The following CSTL1 variants were observed in gnomAD, a reference collection of about 807,000 sequenced individuals.
CSTL1 encodes the protein cystatin like 1, also known as cystatin-like 1.
Under a neutral mutation model 14.4 loss-of-function variants are expected in CSTL1, and 14 were observed. The ratio of observed to expected loss-of-function variants is 0.97; its 90% CI spans 0.64 to 1.52. The LOEUF (loss-of-function observed/expected upper bound fraction) is 1.52, where lower values mean the gene tolerates loss of function less well. Ranked by LOEUF, CSTL1 falls within the 40% of genes most tolerant of loss-of-function variation. The pLI is 0.00. For synonymous variants in CSTL1, 72 were observed against 67.5 expected, an observed-to-expected ratio of 1.07 and a Z score of -0.33; for missense variants, 170 against 168.7, an observed-to-expected ratio of 1.01 and a Z score of -0.04.
At chr20:23,456,620 C>T in the CSTL1 span, among the ~76,000 whole-genome samples, 1 of 152,310 alleles carries the variant, frequency 6.6e-6, no homozygotes, top group African/African-American at 2.4e-5. Context: ...CAGCTGTGCT[C>T]ATTTCCTGTG....
downstream of CSTL1, chr20:23,444,947 G>A (rs1288589861): frequency 1.9e-6 from 2 of 1,051,320 alleles, no homozygotes; most frequent in Admixed American, 3.5e-5. Context: ...CCTCATTGGG[G>A]TCTTATTACA....
At chr20:23,447,220 G>A (rs1448105333), downstream of CSTL1, among the ~76,000 whole-genome samples, 2 of 152,190 alleles carry the variant, frequency 1.3e-5, no homozygotes, top group African/African-American at 2.4e-5. Context: ...TAGAAATGGA[G>A]TCATACAATA....
At chr20:23,443,834 G>A in intron 2 of CSTL1, 100 bp from the exon 3 acceptor site, 1 of 793,346 alleles carries the variant, frequency 1.3e-6, no homozygotes, top group East Asian at 2.7e-5. Context: ...AACAAGAACT[G>A]TGGCCCTGGG....
At chr20:23,461,070 C>A in the CSTL1 span, among the ~76,000 whole-genome samples, 1 of 152,196 alleles carries the variant, frequency 6.6e-6, no homozygotes, top group Admixed American at 6.5e-5. Flanking sequence ...CCACAGCCAA[C>A]CCAACCTTCA....
downstream of CSTL1, among the ~76,000 whole-genome samples, chr20:23,447,782 A>T (rs528067167): frequency 1.3e-5 from 2 of 152,182 alleles, no homozygotes; most frequent in South Asian, 4.1e-4. Context: ...TTTCTATTGG[A>T]TATATGCCTA....
chr20:23,454,067 C>A, the CSTL1 span, among the ~76,000 whole-genome samples: 1 of 151,392 alleles, frequency 6.6e-6, no homozygotes, highest in African/African-American at 2.4e-5. Context: ...ACACATACCG[C>A]CACACATGCA....
the CSTL1 span, among the ~76,000 whole-genome samples, chr20:23,455,590 T>C: frequency 1.3e-5 from 2 of 152,204 alleles, no homozygotes; most frequent in Non-Finnish European, 2.9e-5. Flanking sequence ...TCCCCTCCCA[T>C]GTGTGCTTTG....
chr20:23,447,221 TC>T (rs1986985804), downstream of CSTL1, among the ~76,000 whole-genome samples: 1 of 152,170 alleles, frequency 6.6e-6, no homozygotes, highest in Non-Finnish European at 1.5e-5. Flanking sequence ...AGAAATGGAG[TC>T]ATACAATATA....
the CSTL1 span, among the ~76,000 whole-genome samples, chr20:23,454,740 T>A: frequency 6.6e-6 from 1 of 152,236 alleles, no homozygotes; most frequent in African/African-American, 2.4e-5. Flanking sequence ...TGCCCTGAGC[T>A]CCCTGAGCGG....
chr20:23,458,036 T>C, the CSTL1 span, among the ~76,000 whole-genome samples: 1 of 152,174 alleles, frequency 6.6e-6, no homozygotes, highest in African/African-American at 2.4e-5. Context: ...CTGGGTAACA[T>C]GGATCTATGG....
At chr20:23,448,607 T>A (rs1233848995), downstream of CSTL1, among the ~76,000 whole-genome samples, 1 of 152,234 alleles carries the variant, frequency 6.6e-6, no homozygotes, top group Non-Finnish European at 1.5e-5. Context: ...TATATACTAA[T>A]TTTTTAAAAA....
chr20:23,459,905 G>C, the CSTL1 span, among the ~76,000 whole-genome samples: 8 of 152,134 alleles, frequency 5.3e-5, no homozygotes, highest in Admixed American at 5.2e-4. Flanking sequence ...GTTCACTCTG[G>C]CCTCTCCCTG....
At chr20:23,457,053 T>G in the CSTL1 span, among the ~76,000 whole-genome samples, 4 of 152,064 alleles carry the variant, frequency 2.6e-5, no homozygotes, top group Non-Finnish European at 5.9e-5. Context: ...ACATCTCGGG[T>G]GGGGTGTTAT....
downstream of CSTL1, among the ~76,000 whole-genome samples, chr20:23,445,132 T>G (rs1986940219): frequency 6.6e-6 from 1 of 151,330 alleles, no homozygotes; most frequent in African/African-American, 2.4e-5. Flanking sequence ...GCCCACCCAC[T>G]CACTCCTACA....
At chr20:23,460,517 G>T in the CSTL1 span, among the ~76,000 whole-genome samples, 10 of 152,036 alleles carry the variant, frequency 6.6e-5, no homozygotes, top group Non-Finnish European at 1.5e-4. Flanking sequence ...GTAATCATGG[G>T]GATGTCAATT....
At chr20:23,444,728 A>T in intron 3 of CSTL1, 43 bp from the exon 4 acceptor site, 2 of 1,413,538 alleles carry the variant, frequency 1.4e-6, no homozygotes, top group Non-Finnish European at 2.0e-6. Flanking sequence ...CTTGCCTTTG[A>T]AAAATACTTC....
At chr20:23,454,810 C>T in the CSTL1 span, among the ~76,000 whole-genome samples, 2 of 152,224 alleles carry the variant, frequency 1.3e-5, no homozygotes, top group Non-Finnish European at 2.9e-5. Flanking sequence ...AATTAAGAGC[C>T]TATGGGCAGA....
In CSTL1 at chr20:23,443,961, A is replaced by C; in HGVS notation, c.247A>C (p.Thr83Pro). 1 of 1,614,056 alleles carries C rather than the reference A, an allele frequency of 6.2e-7. No individual in the cohort carries two copies. Among genetic ancestry groups the C allele is most frequent in the Non-Finnish European group, 8.5e-7 (1 of 1,179,912 alleles). Residue 83 changes from threonine (T) to proline (P), a missense_variant, in exon 3 of 4, where the codon ACT becomes CCT. Physicochemically the swap from Thr to Pro is conservative, Grantham distance 38. Transcript: ENST00000347397. ...GACGACGGGAGTGGAGTATATAGTC[A>C]CTGTGAAGATTGGCTGGACCAAATG... ...QLTTGVEYIV[T>P]VKIGWTKCKR...
At chr20:23,453,194 C>A in the CSTL1 span, among the ~76,000 whole-genome samples, 3 of 149,926 alleles carry the variant, frequency 2.0e-5, no homozygotes, top group Admixed American at 6.6e-5. Flanking sequence ...CCAGGACTGG[C>A]GCATTCATAG....
Sources: gnomAD v4.1 joint callset for allele counts (sites outside exome capture counted in the v4.1 genomes callset) on GRCh38, gnomAD v4.1.1 for gene constraint, MANE v1.5 for transcripts, NCBI Gene and HGNC (gene_info 2026-07-23, HGNC 2026-07-21) for gene names.